The following SCN3A variants were observed in gnomAD, a reference collection of about 807,000 sequenced individuals.
SCN3A encodes the protein sodium channel protein type 3 subunit alpha.
SCN3A carries 60 observed loss-of-function variants against 187.6 expected under a neutral mutation model. That is an observed-to-expected ratio of 0.32 (90% CI 0.26 to 0.40). The LOEUF is 0.40. SCN3A is among the 10% of genes least tolerant of loss of function. The probability of loss-of-function intolerance (pLI) is 1.00; values close to 1 mark genes in which losing one functional copy is unlikely to be tolerated. For synonymous variants in SCN3A, 788 were observed against 829.2 expected (o/e 0.95, Z 0.85); for missense variants, 1,601 against 2,428.2 (o/e 0.66, Z 7.16).
Position 165,146,720 on chromosome 2 carries a change from A to G in SCN3A, c.1671+19T>C, listed in dbSNP as rs762936462. 3 of 1,613,704 alleles carry G rather than the reference A, an allele frequency of 1.9e-6. No individual in the cohort carries two copies. The highest frequency in any genetic ancestry group is 2.5e-6 in the Non-Finnish European group (3 of 1,179,666). Reference sequence around the variant, plus strand: ...ATAGCAATGACAAAGAAACCAGAGCACTTAGTAGAAAATCATACCTGATGA... The same window carrying G: ...ATAGCAATGACAAAGAAACCAGAGCGCTTAGTAGAAAATCATACCTGATGA... On this transcript the variant is annotated intron_variant, in intron 12 of 27. Coordinates refer to ENST00000283254, the MANE Select transcript of SCN3A (RefSeq NM_006922.4).
At chr2:165,104,379 G>A (rs1685748955) in intron 21 of SCN3A, among the ~76,000 whole-genome samples, 1 of 151,694 alleles carries the variant, frequency 6.6e-6, no homozygotes, top group South Asian at 2.1e-4. Flanking sequence ...TAAATGAGAG[G>A]AGAAATAGAA....
At chr2:165,095,964 G>C (rs1021572278) in intron 24 of SCN3A, among the ~76,000 whole-genome samples, 10 of 151,984 alleles carry the variant, frequency 6.6e-5, no homozygotes, top group African/African-American at 2.2e-4. Context: ...TTTTCTGTTT[G>C]GTTTTGGAAA....
chr2:165,183,286 A>G (rs1691007323), intron 2 of SCN3A, among the ~76,000 whole-genome samples: 2 of 152,212 alleles, frequency 1.3e-5, no homozygotes, highest in Non-Finnish European at 2.9e-5. Context: ...TCTCCTCTAA[A>G]ATGTCTACTG....
chr2:165,104,821 C>G (rs531101056), intron 21 of SCN3A, among the ~76,000 whole-genome samples: 136 of 152,266 alleles, frequency 8.9e-4, no homozygotes, highest in Admixed American at 2.6e-3. Flanking sequence ...CAGATTCTTT[C>G]TAAACTTTTA....
chr2:165,096,431 T>C (rs1324013231), intron 24 of SCN3A, 36 bp downstream of exon 24: 1 of 1,538,276 alleles, frequency 6.5e-7, no homozygotes, highest in Non-Finnish European at 9.0e-7. Context: ...CCATAAGAAA[T>C]CTAGAACCTA....
At chr2:165,096,619 G>T in intron 23 of SCN3A, 99 bp from the exon 24 acceptor site, 1 of 748,910 alleles carries the variant, frequency 1.3e-6, no homozygotes. Flanking sequence ...ATAACTTTTT[G>T]TACAATATTG....
intron 1 of SCN3A, among the ~76,000 whole-genome samples, chr2:165,190,570 ATATT>A (rs1559279611): frequency 1.4e-5 from 2 of 145,998 alleles, no homozygotes; most frequent in East Asian, 2.0e-4. Flanking sequence ...ATATATAACT[ATATT>A]TATATAAAAC....
chr2:165,099,573 C>T (rs1222483427), intron 22 of SCN3A, among the ~76,000 whole-genome samples: 1 of 151,882 alleles, frequency 6.6e-6, no homozygotes, highest in African/African-American at 2.4e-5. Flanking sequence ...AAAAAATTAG[C>T]GGGCGTGGTG....
At chr2:165,133,595 CA>C (rs763629093) in intron 15 of SCN3A, among the ~76,000 whole-genome samples, 8 of 151,712 alleles carry the variant, frequency 5.3e-5, no homozygotes, top group Non-Finnish European at 1.0e-4. Context: ...CTGCCCGCCT[CA>C]GCCTCCCAAA....
At chr2:165,202,182 G>A (rs918300752) in intron 1 of SCN3A, among the ~76,000 whole-genome samples, 3 of 151,978 alleles carry the variant, frequency 2.0e-5, no homozygotes, top group Non-Finnish European at 2.9e-5. Flanking sequence ...TTTAATTTCC[G>A]AAATTTTTGA....
At chr2:165,114,478 G>C (rs918497284) in intron 19 of SCN3A, among the ~76,000 whole-genome samples, 7 of 152,038 alleles carry the variant, frequency 4.6e-5, no homozygotes, top group Admixed American at 4.6e-4. Flanking sequence ...GACTCAGCTC[G>C]TCAGTCAGTA....
chr2:165,185,629 T>C (rs371843830), intron 2 of SCN3A, among the ~76,000 whole-genome samples: 48 of 152,334 alleles, frequency 3.2e-4, no homozygotes, highest in African/African-American at 1.0e-3. Flanking sequence ...TATTTACCCC[T>C]GGGCCTTTGA....
At chr2:165,113,080 T>G in intron 20 of SCN3A, 22 bp from the exon 21 acceptor site, 1 of 1,583,242 alleles carries the variant, frequency 6.3e-7, no homozygotes, top group Non-Finnish European at 8.7e-7. Context: ...AAATATTTTA[T>G]TTTACTTAAA....
chr2:165,162,609 A>C lies in SCN3A; in HGVS notation c.914T>G (p.Phe305Cys). The C allele has an allele frequency of 6.2e-7, 1 of 1,614,186 alleles. No individual in the cohort carries two copies. Among genetic ancestry groups the C allele is most frequent in the Middle Eastern group, 1.6e-4 (1 of 6,062 alleles). Residue 305 changes from phenylalanine to cysteine, a missense_variant, in exon 8 of 28, where the codon TTT (phenylalanine) becomes TGT (cysteine). Phe to Cys is a radical substitution (Grantham distance 205, BLOSUM62 -2). Coordinates refer to ENST00000283254, the MANE Select transcript of SCN3A (RefSeq NM_006922.4). ...AAATGTGCTCATTGTTACATTAACA[A>C]ATGTCCCATTTGAATCCATTGTGCC... ...FNGTMDSNGT[F>C]VNVTMSTFNW...
At chr2:165,102,386 C>T (rs897815815) in intron 21 of SCN3A, among the ~76,000 whole-genome samples, 5 of 152,098 alleles carry the variant, frequency 3.3e-5, no homozygotes, top group East Asian at 3.9e-4. Context: ...GATGGTGGCT[C>T]GCACTTGTAG....
rs1687936987 is a variant in SCN3A at position 165,140,434 on chromosome 2, G to T, written c.2019+217C>A. On this transcript the variant is annotated intron_variant, in intron 13 of 27. Transcript: ENST00000283254. The surrounding 1 kb of genome is among the most constrained non-coding windows in gnomAD (Gnocchi z 4.2). ...GGGGCCCTTTTAACCTAAAGCCATGGTCCCTTACAAGTAATTCCCATACAA... is the reference window on the plus strand; with the variant it reads ...GGGGCCCTTTTAACCTAAAGCCATGTTCCCTTACAAGTAATTCCCATACAA... Among the ~76,000 whole-genome samples, 1 of 151,842 alleles carries T rather than the reference G, an allele frequency of 6.6e-6. No homozygotes were observed.
intron 1 of SCN3A, chr2:165,194,803 A>G (rs1463405124): frequency 2.0e-5 from 3 of 151,954 alleles, no homozygotes; most frequent in Non-Finnish European, 4.4e-5. Context: ...ATCTCCCCCA[A>G]AAAGGGCCCT....
chr2:165,191,060 G>GTTTT (rs58901959), intron 1 of SCN3A, among the ~76,000 whole-genome samples: 7 of 113,504 alleles, frequency 6.2e-5, no homozygotes, highest in Non-Finnish European at 1.2e-4. Context: ...ATTTTACGTT[G>GTTTT]TTTTTTTTTT....
intron 22 of SCN3A, among the ~76,000 whole-genome samples, chr2:165,099,896 C>A (rs1006754066): frequency 6.6e-6 from 1 of 152,142 alleles, no homozygotes; most frequent in Admixed American, 6.5e-5. Context: ...GCACACAAAA[C>A]CCATTTTACC....
Sources: gnomAD v4.1 joint callset for allele counts (sites outside exome capture counted in the v4.1 genomes callset) on GRCh38, gnomAD v4.1.1 for gene constraint, Gnocchi (gnomAD v3.1) non-coding constraint, MANE v1.5 for transcripts, NCBI Gene and HGNC (gene_info 2026-07-23, HGNC 2026-07-21) for gene names.